Variants in CBFB observed in about 807,000 individuals in gnomAD.
CBFB encodes core-binding factor subunit beta.
A neutral mutation model predicts 30.4 loss-of-function variants in CBFB; 9 were observed. That is an observed-to-expected ratio of 0.30 (90% confidence interval 0.18 to 0.52). CBFB has a LOEUF of 0.52. Among genes scored for constraint, CBFB ranks in the 20% least tolerant of loss-of-function variants. CBFB has a pLI of 0.97. For synonymous variants in CBFB, 94 were observed against 84.0 expected (o/e 1.12, Z -0.65); for missense variants, 170 against 244.0 (o/e 0.70, Z 2.02).
intron 3 of CBFB, among the ~76,000 whole-genome samples, chr16:67,051,144 A>G (rs1597133605): frequency 6.6e-6 from 1 of 151,780 alleles, no homozygotes; most frequent in East Asian, 1.9e-4. Flanking sequence ...GAATTCTTTT[A>G]AGTTATTTTT....
chr16:67,092,815 C>T (rs1331717274), intron 5 of CBFB, among the ~76,000 whole-genome samples: 4 of 145,018 alleles, frequency 2.8e-5, no homozygotes, highest in African/African-American at 7.6e-5. Flanking sequence ...TGGGTTCAGG[C>T]GATTCTCCTG....
At chr16:67,068,568 G>A (rs190866014) in intron 4 of CBFB, among the ~76,000 whole-genome samples, 5 of 152,242 alleles carry the variant, frequency 3.3e-5, no homozygotes, top group South Asian at 2.1e-4. Flanking sequence ...TAGTCCAGGC[G>A]AGTCACTAAA....
intron 2 of CBFB, among the ~76,000 whole-genome samples, chr16:67,034,396 T>C (rs1966407873): frequency 1.3e-5 from 2 of 152,060 alleles, no homozygotes; most frequent in Admixed American, 6.6e-5. Flanking sequence ...CATTTTAATG[T>C]TTTCATTTTG....
chr16:67,072,234 TTG>T (rs1188517314), intron 4 of CBFB, among the ~76,000 whole-genome samples: 5 of 152,088 alleles, frequency 3.3e-5, no homozygotes, highest in Admixed American at 3.3e-4. Context: ...CCTAGAAAAA[TTG>T]TTTCATTCAA....
intron 5 of CBFB, among the ~76,000 whole-genome samples, chr16:67,096,888 G>C (rs1962063028): frequency 6.9e-6 from 1 of 145,894 alleles, no homozygotes; most frequent in Non-Finnish European, 1.5e-5. Flanking sequence ...CTTGCGGTGA[G>C]CCAAGATCGC....
Position 67,100,478 on chromosome 16 carries a change from T to A in CBFB, c.*1700T>A, listed in dbSNP as rs1305985736. 1 of 227,700 alleles carries A rather than the reference T, an allele frequency of 4.4e-6. No homozygotes were observed. Among genetic ancestry groups the A allele is most frequent in the African/African-American group, 2.2e-5 (1 of 45,028 alleles). The allele number at this position is 227,700 out of a possible 1,614,324, so 14.1% of individuals were successfully genotyped here. A position where few individuals can be genotyped will look rare whatever the true frequency, so the allele number is the denominator to read the frequency against. On this transcript the variant is annotated 3_prime_UTR_variant, in exon 6 of 6. Transcript: ENST00000412916. ...GCTGATCTTGCATAACTATAAGTAC[T>A]ATGAATGAATTTGGTTGGTTTTGGT...
chr16:67,060,242 A>G (rs1350426574), intron 3 of CBFB, among the ~76,000 whole-genome samples: 3 of 152,122 alleles, frequency 2.0e-5, no homozygotes, highest in Non-Finnish European at 4.4e-5. Flanking sequence ...TGCTAAGATT[A>G]CAAGCGTGAG....
intron 3 of CBFB, among the ~76,000 whole-genome samples, chr16:67,045,851 A>G (rs1597129539): frequency 6.8e-6 from 1 of 147,300 alleles, no homozygotes; most frequent in African/African-American, 2.5e-5. Flanking sequence ...GCTGGAGTGC[A>G]GTGATGTAAT....
intron 3 of CBFB, among the ~76,000 whole-genome samples, chr16:67,066,393 C>CAAAAAAAAAAAAAAAAAAAAAA (rs56360240): frequency 1.3e-4 from 12 of 95,982 alleles, no homozygotes; most frequent in South Asian, 3.7e-4. Flanking sequence ...ACTAAAAATA[C>CAAAAAAAAAAAAAAAAAAAAAA]AAAAAAAAAA....
chr16:67,080,957 TC>T (rs1961535898), intron 4 of CBFB, among the ~76,000 whole-genome samples: 1 of 152,198 alleles, frequency 6.6e-6, no homozygotes, highest in Non-Finnish European at 1.5e-5. Flanking sequence ...ACTGAATTTT[TC>T]TTTTAAAAGT....
intron 3 of CBFB, among the ~76,000 whole-genome samples, chr16:67,063,979 G>T (rs1478459347): frequency 2.6e-5 from 4 of 152,038 alleles, no homozygotes; most frequent in African/African-American, 9.7e-5. Context: ...CCAGATTTTA[G>T]CTCACAAAGC....
intron 5 of CBFB, among the ~76,000 whole-genome samples, chr16:67,087,087 T>G (rs1961753416): frequency 6.6e-6 from 1 of 152,092 alleles, no homozygotes; most frequent in Middle Eastern, 3.2e-3. Flanking sequence ...GAGAGTGTGA[T>G]TGGTCAGTAT....
At chr16:67,080,255 G>A (rs557827852) in intron 4 of CBFB, among the ~76,000 whole-genome samples, 1 of 148,186 alleles carries the variant, frequency 6.7e-6, no homozygotes, top group Non-Finnish European at 1.5e-5. Context: ...ATTGGGTTGA[G>A]GAGTGACCAA....
intron 5 of CBFB, among the ~76,000 whole-genome samples, chr16:67,084,636 T>C (rs925658893): frequency 4.6e-5 from 7 of 152,224 alleles, no homozygotes; most frequent in African/African-American, 1.7e-4. Flanking sequence ...GTAAGTTTTA[T>C]GATATGTGTA....
chr16:67,049,252 G>A (rs1331397856), intron 3 of CBFB, among the ~76,000 whole-genome samples: 1 of 151,942 alleles, frequency 6.6e-6, no homozygotes, highest in Non-Finnish European at 1.5e-5. Context: ...CTGCCAGGCT[G>A]GAGTGCAGTG....
rs536155973 is a variant in CBFB, at chr16:67,057,854, C to T, written c.283-8828C>T. Among the ~76,000 whole-genome samples the T allele has an allele frequency of 2.0e-5, 3 of 151,892 alleles. No individual in the cohort carries two copies. In the East Asian group the frequency reaches 5.8e-4, roughly 29 times the overall value. ...CATTTTTGAATTTTTTGGTTTTGTT[C>T]CATTAAGTTGTAGCTGACTGCCACA... On this transcript the variant is annotated intron_variant, in intron 3 of 5. Coordinates refer to ENST00000412916, the MANE Select transcript of CBFB (RefSeq NM_022845.3).
At chr16:67,039,770 C>T (rs1436622735) in intron 3 of CBFB, among the ~76,000 whole-genome samples, 1 of 151,958 alleles carries the variant, frequency 6.6e-6, no homozygotes, top group Non-Finnish European at 1.5e-5. Context: ...TGCAGGCTTT[C>T]AGTCTCTGTC....
At chr16:67,047,288 A>G (rs1462794386) in intron 3 of CBFB, among the ~76,000 whole-genome samples, 2 of 152,218 alleles carry the variant, frequency 1.3e-5, no homozygotes, top group Non-Finnish European at 2.9e-5. Context: ...TATTTAAAAA[A>G]ATAAAACGTG....
chr16:67,059,508 A>G (rs931302381), intron 3 of CBFB, among the ~76,000 whole-genome samples: 3 of 152,120 alleles, frequency 2.0e-5, no homozygotes, highest in Non-Finnish European at 4.4e-5. Context: ...AAACACATAC[A>G]TTTTTGCGCA....
Sources: gnomAD v4.1 joint callset for allele counts (sites outside exome capture counted in the v4.1 genomes callset) on GRCh38, gnomAD v4.1.1 for gene constraint, MANE v1.5 for transcripts, NCBI Gene and HGNC (gene_info 2026-07-23, HGNC 2026-07-21) for gene names.